Variants in DCHS2 observed in about 807,000 individuals in gnomAD.
DCHS2 encodes protocadherin-23.
DCHS2 carries 142 observed loss-of-function variants against 182.4 expected under a neutral mutation model. That is an observed-to-expected ratio of 0.78 (90% CI 0.68 to 0.89). The LOEUF (loss-of-function observed/expected upper bound fraction) is 0.89, where lower values mean the gene tolerates loss of function less well. Ranked by LOEUF, DCHS2 falls within the 40% of genes least tolerant of loss-of-function variation. The pLI is 0.00. For synonymous variants in DCHS2, 1,740 were observed against 1,663.3 expected (o/e 1.05, Z -1.12); for missense variants, 4,319 against 4,198.6 (o/e 1.03, Z -0.79).
intron 3 of DCHS2, chr4:154,357,453 T>C (rs868732376): frequency 2.1e-5 from 13 of 630,218 alleles, no homozygotes; most frequent in Middle Eastern, 4.3e-4. Context: ...ATTCACAATC[T>C]TTCTGAGCCC....
At chr4:154,358,883 TATTA>T (rs909583876) in intron 3 of DCHS2, among the ~76,000 whole-genome samples, 37 of 151,762 alleles carry the variant, frequency 2.4e-4, no homozygotes, top group Admixed American at 1.4e-3. Flanking sequence ...CCATATTTGT[TATTA>T]ATTGTTTACT....
At chr4:154,451,742 T>C (rs946145096) in intron 1 of DCHS2, among the ~76,000 whole-genome samples, 1 of 152,156 alleles carries the variant, frequency 6.6e-6, no homozygotes, top group Non-Finnish European at 1.5e-5. Flanking sequence ...GTTGTTTATT[T>C]TGCTTGGAAG....
chr4:154,348,676 C>A (rs1209159392), intron 3 of DCHS2, among the ~76,000 whole-genome samples: 5 of 151,910 alleles, frequency 3.3e-5, no homozygotes, highest in Non-Finnish European at 7.3e-5. Flanking sequence ...ATGAGAGTAA[C>A]ACTGCCATAG....
In DCHS2 at chr4:154,321,143, G is replaced by GT; in HGVS notation, c.4255dup (p.Thr1419AsnfsTer11). On this transcript the variant is annotated frameshift_variant, in exon 9 of 20. Coordinates refer to ENST00000357232, the MANE Select transcript of DCHS2 (RefSeq NM_001358235.2). LOFTEE classifies it high-confidence loss of function. Reference sequence around the variant, plus strand: ...TGACTTTATCAAGCTCATTATTTTTGTGGGCTTCAAATTTTCTGGTATAAT... The same window carrying GT: ...TGACTTTATCAAGCTCATTATTTTTGTTGGGCTTCAAATTTTCTGGTATAAT... The GT allele has an allele frequency of 6.3e-7, 1 of 1,594,544 alleles. No homozygotes were observed. The highest frequency in any genetic ancestry group is 1.1e-5 in the South Asian group (1 of 88,384).
chr4:154,373,876 C>T (rs1259006023), intron 2 of DCHS2: 1 of 1,515,432 alleles, frequency 6.6e-7, no homozygotes, highest in African/African-American at 1.4e-5. Context: ...TTCCAGGCAC[C>T]AGATGTTAAA....
In DCHS2 at chr4:154,267,696, G is replaced by A. The variant is rs150012920; in HGVS notation, c.6577+2204C>T. Among the ~76,000 whole-genome samples the A allele has an allele frequency of 2.5e-4, 16 of 65,056 alleles. No homozygotes were observed. The East Asian group carries it at 0.011, about 44-fold the overall frequency. The allele number at this position is 65,056 out of a possible 152,430, so 42.7% of individuals were successfully genotyped here. A position where few individuals can be genotyped will look rare whatever the true frequency, so the allele number is the denominator to read the frequency against. ...ACATCTATGAATGTAGGTTCCATTG[G>A]GCATCTTCTTCCCGAAGCCTAGCTT... On this transcript the variant is annotated intron_variant, in intron 14 of 19. Coordinates refer to ENST00000357232, the MANE Select transcript of DCHS2 (RefSeq NM_001358235.2).
At chr4:154,412,274 A>G (rs1157122843) in intron 1 of DCHS2, among the ~76,000 whole-genome samples, 1 of 152,188 alleles carries the variant, frequency 6.6e-6, no homozygotes, top group African/African-American at 2.4e-5. Flanking sequence ...CTGAGCGCAG[A>G]GCAAAATCTT....
At chr4:154,391,354 C>A (rs914278979) in intron 1 of DCHS2, 12 of 1,538,296 alleles carry the variant, frequency 7.8e-6, no homozygotes, top group Non-Finnish European at 9.6e-6. Flanking sequence ...TGGCATGAAC[C>A]CTTTCCTTGT....
intron 3 of DCHS2, among the ~76,000 whole-genome samples, chr4:154,359,931 A>G (rs190276582): frequency 6.6e-6 from 1 of 152,034 alleles, no homozygotes; most frequent in African/African-American, 2.4e-5. Context: ...TTTCTATCTT[A>G]TTTAGTTGAA....
chr4:154,244,342 T>C (rs1465884774), intron 16 of DCHS2, among the ~76,000 whole-genome samples: 1 of 152,240 alleles, frequency 6.6e-6, no homozygotes, highest in African/African-American at 2.4e-5. Flanking sequence ...TCATGATACT[T>C]GTTGAACATA....
At chr4:154,261,984 T>A (rs1733007443) in intron 14 of DCHS2, 1 of 151,952 alleles carries the variant, frequency 6.6e-6, no homozygotes, top group African/African-American at 2.4e-5. Flanking sequence ...AGAGCCCGAG[T>A]CTGAGGTGGG....
Position 154,235,477 on chromosome 4 carries a change from T to A in DCHS2, c.9175A>T (p.Ser3059Cys). ...GCATCCACAGGGACCACCTCGTTAC[T>A]GCAGTCGTCAGTTTTCTGGAAGGCT... ...LKAFQKTDDCSNEVVPVDATP... is the reference protein window; with the variant it reads ...LKAFQKTDDCCNEVVPVDATP... Residue 3059 changes from serine (S) to cysteine (C), a missense_variant, in exon 20 of 20, where the codon AGT becomes TGT. Coordinates refer to ENST00000357232, the MANE Select transcript of DCHS2 (RefSeq NM_001358235.2). The A allele has an allele frequency of 6.2e-7, 1 of 1,614,090 alleles. No individual in the cohort carries two copies. The highest frequency in any genetic ancestry group is 8.5e-7 in the Non-Finnish European group (1 of 1,179,966).
intron 1 of DCHS2, among the ~76,000 whole-genome samples, chr4:154,435,292 C>T (rs564039417): frequency 6.6e-6 from 1 of 152,270 alleles, no homozygotes; most frequent in South Asian, 2.1e-4. Flanking sequence ...TGCCAGATAA[C>T]ATTTAAAAAT....
intron 2 of DCHS2, among the ~76,000 whole-genome samples, chr4:154,369,896 G>C (rs759301788): frequency 5.9e-5 from 9 of 152,270 alleles, no homozygotes; most frequent in South Asian, 4.1e-4. Flanking sequence ...AGGCAGGAGG[G>C]TCGCCTAGGG....
At chr4:154,403,683 C>T (rs1732285333) in intron 1 of DCHS2, among the ~76,000 whole-genome samples, 1 of 152,052 alleles carries the variant, frequency 6.6e-6, no homozygotes, top group South Asian at 2.1e-4. Flanking sequence ...CATTCCGTCG[C>T]CCTATATTTT....
At chr4:154,438,294 C>G (rs1241279386) in intron 1 of DCHS2, among the ~76,000 whole-genome samples, 1 of 152,182 alleles carries the variant, frequency 6.6e-6, no homozygotes, top group Admixed American at 6.5e-5. Context: ...AAATGTGAAT[C>G]TCTAGTAGGA....
intron 1 of DCHS2, among the ~76,000 whole-genome samples, chr4:154,484,255 A>G (rs71605208): frequency 0.18 from 27,510 of 152,204 alleles, 3,083 homozygotes; most frequent in Non-Finnish European, 0.26. Context: ...GTAGCTGAAT[A>G]TGTGTTATTA....
chr4:154,421,711 C>T (rs865833789), intron 1 of DCHS2, among the ~76,000 whole-genome samples: 3 of 152,336 alleles, frequency 2.0e-5, no homozygotes, highest in Middle Eastern at 3.4e-3. Context: ...TGTTTAAACA[C>T]GCTTTCGTCT....
In DCHS2 at chr4:154,490,333, A is replaced by G. The variant is rs1002516740; in HGVS notation, c.1023T>C (p.Pro341=). 1.3e-6 allele frequency: 2 copies of G among 1,542,638 alleles called. No individual in the cohort carries two copies. Among genetic ancestry groups the G allele is most frequent in the African/African-American group, 2.7e-5 (2 of 72,886 alleles). ...GTGCCCCGCCGCCGCTACCCGCCCC[A>G]GGCACTTGCCGGGCGCGGACGCTGT... ...VRYSVRARQV[P]GAGSGGGALG... is the part of the protein sequence containing the mutation. The change falls in exon 1 of 20, where the codon CCT becomes CCC. Residue 341 remains proline, a synonymous_variant. Coordinates refer to ENST00000357232, the MANE Select transcript of DCHS2 (RefSeq NM_001358235.2).
Sources: gnomAD v4.1 joint callset for allele counts (sites outside exome capture counted in the v4.1 genomes callset) on GRCh38, gnomAD v4.1.1 for gene constraint, MANE v1.5 for transcripts, NCBI Gene and HGNC (gene_info 2026-07-23, HGNC 2026-07-21) for gene names.